The following TRANK1 variants were observed in gnomAD, a reference collection of about 807,000 sequenced individuals.
TRANK1 encodes the protein tetratricopeptide repeat and ankyrin repeat containing 1.
In TRANK1, 198 loss-of-function variants were observed where a neutral mutation model predicts 266.0. The observed-to-expected ratio is 0.74, with a 90% CI of 0.66 to 0.84. The LOEUF (loss-of-function observed/expected upper bound fraction) is 0.84, where lower values mean the gene tolerates loss of function less well. Among genes scored for constraint, TRANK1 ranks in the 40% least tolerant of loss-of-function variants. The pLI, the probability that TRANK1 is intolerant of heterozygous loss-of-function variation, is 0.00. For synonymous variants in TRANK1, 1,396 were observed against 1,384.1 expected, an observed-to-expected ratio of 1.01 and a Z score of -0.19; for missense variants, 3,326 against 3,634.6, an observed-to-expected ratio of 0.92 and a Z score of 2.18.
intron 1 of TRANK1, among the ~76,000 whole-genome samples, chr3:36,916,829 T>C (rs2080132803): frequency 6.6e-6 from 1 of 151,982 alleles, no homozygotes; most frequent in Non-Finnish European, 1.5e-5. Context: ...TTTGTTTTTT[T>C]GAAGAGACCG....
intron 9 of TRANK1, 137 bp from the exon 10 acceptor site, chr3:36,864,617 G>T: frequency 1.3e-6 from 1 of 766,998 alleles, no homozygotes; most frequent in Non-Finnish European, 1.9e-6. Context: ...TCATCAAGAA[G>T]TGGAGCCTCT....
Position 36,831,586 on chromosome 3 carries a change from T to G in TRANK1, c.7997A>C (p.Glu2666Ala). Reference sequence around the variant, plus strand: ...GAGCAGGCGGTTTAGTCTGACCTCCTCATAATAGAGGCCACGGACTATGGA... The same window carrying G: ...GAGCAGGCGGTTTAGTCTGACCTCCGCATAATAGAGGCCACGGACTATGGA... ...KGSIVRGLYY[E>A]EVRLNRLLCL... The change falls in exon 22 of 24, where the codon GAG (glutamate) becomes GCG (alanine). Residue 2666 changes from glutamate to alanine, a missense_variant. By Grantham distance (107) the Glu-to-Ala change is moderately radical. Coordinates refer to ENST00000645898, the MANE Select transcript of TRANK1 (RefSeq NM_001329998.2). The surrounding 1 kb of genome is among the most constrained non-coding windows in gnomAD (Gnocchi z 5.0). 6.2e-7 allele frequency: 1 copy of G among 1,613,702 alleles called. No homozygotes were observed. The highest frequency in any genetic ancestry group is 8.5e-7 in the Non-Finnish European group (1 of 1,179,746).
chr3:36,944,210 G>A (rs1379640208), intron 1 of TRANK1, among the ~76,000 whole-genome samples: 3 of 152,178 alleles, frequency 2.0e-5, no homozygotes, highest in Non-Finnish European at 4.4e-5. Flanking sequence ...TAGACTCGGT[G>A]AGCCCAGGCT....
In TRANK1 at chr3:36,831,996, G is replaced by A. The variant is rs752146801; in HGVS notation, c.7587C>T (p.Leu2529=). The change falls in exon 22 of 24, where the codon CTC becomes CTT. Residue 2529 remains leucine, a synonymous_variant. Transcript: ENST00000645898. This position sits in a 1 kb window ranked among gnomAD's most constrained non-coding sequence, Gnocchi z 5.0. ...IQDFRFHLSY[L]AKVLCGYENV... ...TCTCATAGCCACATAGCACCTTGGC[G>A]AGGTAGGAGAGATGGAACCGGAAAT... is the stretch of plus-strand genomic sequence containing the variant. The A allele has an allele frequency of 2.5e-5, 40 of 1,613,904 alleles. No homozygotes were observed. The highest frequency in any genetic ancestry group is 1.2e-4 in the Admixed American group (7 of 60,002).
Position 36,895,677 on chromosome 3 carries a change from G to A in TRANK1, c.515C>T (p.Ser172Phe), listed in dbSNP as rs1275243955. The part of the protein sequence containing the change: ...TTGFPTEVWQ[S>F]VIEKLAKKGL... ...TTTCTTTGCCAACTTTTCTATTACA[G>A]ATTGCCACACTTCTGTTGGGAATCC... The change falls in exon 5 of 24, where the codon TCT (serine) becomes TTT (phenylalanine). Residue 172 changes from serine to phenylalanine, a missense_variant. Ser to Phe is a radical substitution (Grantham distance 155, BLOSUM62 -2). Transcript: ENST00000645898. The A allele has an allele frequency of 4.6e-6, 7 of 1,536,278 alleles. No homozygotes were observed. Among genetic ancestry groups the A allele is most frequent in the East Asian group, 2.4e-5 (1 of 40,842 alleles).
rs148568489 is a variant in TRANK1 at position 36,900,048 on chromosome 3, C to T, written c.283-789G>A. 3.7e-3 allele frequency among the ~76,000 whole-genome samples: 566 copies of T among 152,222 alleles called. 3 individuals are homozygous for T. The highest frequency in any genetic ancestry group is 0.012 in the African/African-American group (505 of 41,536). The stretch of plus-strand genomic sequence containing the variant: ...ATAATTTTTCCATTTTTTGTAGAGA[C>T]GAAGTCTTGCTATATTGCCCAAACT... On this transcript the variant is annotated intron_variant, in intron 3 of 23. Coordinates refer to ENST00000645898, the MANE Select transcript of TRANK1 (RefSeq NM_001329998.2).
At chr3:36,848,692 A>G (rs2078946867) in intron 15 of TRANK1, among the ~76,000 whole-genome samples, 1 of 152,218 alleles carries the variant, frequency 6.6e-6, no homozygotes, top group Non-Finnish European at 1.5e-5. Flanking sequence ...CCATGTTTTG[A>G]AATCATGAAA....
intron 9 of TRANK1, among the ~76,000 whole-genome samples, chr3:36,865,364 T>C (rs1234685073): frequency 6.6e-6 from 1 of 152,194 alleles, no homozygotes; most frequent in Non-Finnish European, 1.5e-5. Flanking sequence ...GAGTATTTTG[T>C]TATGCAGTAA....
In TRANK1 at chr3:36,856,142, AG is replaced by A; in HGVS notation, c.3579del (p.Phe1194LeufsTer2). ...HPHQLEHLHQ[I>X]FVTKNHVLCQ... is the part of the protein sequence containing the mutation. ...CACAGCACATGGTTCTTGGTCACAA[AG>A]ATCTGATGTAAATGCTCCAGCTGGT... On this transcript the variant is annotated frameshift_variant, in exon 13 of 24. Transcript: ENST00000645898. LOFTEE classifies it high-confidence loss of function. 2 of 1,613,936 alleles carry A rather than the reference AG, an allele frequency of 1.2e-6. No homozygotes were observed. Among genetic ancestry groups the A allele is most frequent in the Non-Finnish European group, 1.7e-6 (2 of 1,179,876 alleles).
intron 10 of TRANK1, among the ~76,000 whole-genome samples, chr3:36,861,746 C>T (rs1266809568): frequency 6.8e-6 from 1 of 146,352 alleles, no homozygotes; most frequent in African/African-American, 2.6e-5. Context: ...CACTCTGTCG[C>T]CCAGGCTGGA....
At position 36,832,474 on chromosome 3, in the gene TRANK1, T is replaced by C. The variant is rs575981987; in HGVS notation, c.7109A>G (p.Asp2370Gly). Residue 2370 changes from aspartate (D) to glycine (G), a missense_variant, in exon 22 of 24, where the codon GAT becomes GGT. Transcript: ENST00000645898. ...RELKALESEK[D>G]ERGRGRGSRI... The stretch of plus-strand genomic sequence containing the variant: ...GCTGCCTCTCCCCCTGCCCCTTTCA[T>C]CCTTTTCAGACTCTAGAGCTTTGAG... The C allele has an allele frequency of 6.2e-7, 1 of 1,613,828 alleles. No homozygotes were observed. The highest frequency in any genetic ancestry group is 8.5e-7 in the Non-Finnish European group (1 of 1,179,896).
At chr3:36,860,856 C>T (rs946461880) in intron 11 of TRANK1, 50 bp downstream of exon 11, 29 of 1,528,454 alleles carry the variant, frequency 1.9e-5, no homozygotes, top group East Asian at 2.5e-5. Flanking sequence ...GACTCCATCA[C>T]GTGGAGAATG....
Position 36,874,423 on chromosome 3 carries a change from T to C in TRANK1, c.908-127A>G, listed in dbSNP as rs966914356. On this transcript the variant is annotated intron_variant, in intron 8 of 23. Transcript: ENST00000645898. ...CAAGAGGACTAGGGTCTTCTGTTTG[T>C]GGAGCCTGCACTGCTAGCCTCAGGT... The C allele has an allele frequency of 4.9e-6, 5 of 1,025,656 alleles. No homozygotes were observed. The African/African-American group carries it at 8.1e-5, about 17-fold the overall frequency. The allele number at this position is 1,025,656 out of a possible 1,614,324, so 63.5% of individuals were successfully genotyped here.
intron 3 of TRANK1, among the ~76,000 whole-genome samples, chr3:36,900,464 G>T (rs1353871552): frequency 6.6e-6 from 1 of 152,070 alleles, no homozygotes; most frequent in Non-Finnish European, 1.5e-5. Context: ...GAAGAAAATG[G>T]TCTAGTTTTG....
In TRANK1 at chr3:36,834,780, G is replaced by C. The variant is rs1372896172; in HGVS notation, c.5645C>G (p.Ala1882Gly). The C allele has an allele frequency of 1.9e-6, 3 of 1,611,960 alleles. No individual in the cohort carries two copies. The highest frequency in any genetic ancestry group is 1.1e-5 in the South Asian group (1 of 90,700). ...CACCTACTTTTCCACTGCAATAGCA[G>C]CTTCTTCAAAAAGCTCCTCTTGGCA... ...MYCQEELFEEAAIAVEKYEEM... is the reference protein window; with the variant it reads ...MYCQEELFEEGAIAVEKYEEM... Residue 1882 changes from alanine to glycine, a missense_variant, in exon 21 of 24, where the codon GCT becomes GGT. Transcript: ENST00000645898.
chr3:36,940,132 G>A (rs1276046241), intron 1 of TRANK1, among the ~76,000 whole-genome samples: 2 of 151,434 alleles, frequency 1.3e-5, no homozygotes, highest in South Asian at 2.1e-4. Flanking sequence ...TGATCTACCC[G>A]CCTCAGCCTC....
chr3:36,883,104 A>T (rs1575258059), intron 8 of TRANK1, among the ~76,000 whole-genome samples: 1 of 152,346 alleles, frequency 6.6e-6, no homozygotes, highest in East Asian at 1.9e-4. Flanking sequence ...AAGCATTTAT[A>T]CATATGAATT....
At chr3:36,879,637 A>AATATAT (rs2079450546) in intron 8 of TRANK1, among the ~76,000 whole-genome samples, 1 of 75,108 alleles carries the variant, frequency 1.3e-5, no homozygotes, top group South Asian at 3.7e-4. Flanking sequence ...AATATATATA[A>AATATAT]ATATACAAAT....
At chr3:36,901,757 T>C (rs934651760) in intron 3 of TRANK1, among the ~76,000 whole-genome samples, 3 of 152,130 alleles carry the variant, frequency 2.0e-5, no homozygotes, top group African/African-American at 7.2e-5. Context: ...CCAGGAGTTC[T>C]GGGTAAGAAC....
Sources: allele counts gnomAD v4.1 joint callset (sites outside exome capture counted in the v4.1 genomes callset), GRCh38; gene constraint gnomAD v4.1.1; non-coding constraint Gnocchi (gnomAD v3.1); transcripts MANE v1.5; gene names NCBI Gene and HGNC (gene_info 2026-07-23, HGNC 2026-07-21).